NOL4L: variants seen among roughly 807,000 people sequenced by gnomAD.
NOL4L encodes nucleolar protein 4 like, also known as nucleolar protein 4-like.
NOL4L carries 7 observed loss-of-function variants against 64.5 expected under a neutral mutation model. The ratio of observed to expected loss-of-function variants is 0.11; its 90% CI spans 0.06 to 0.20. The LOEUF (loss-of-function observed/expected upper bound fraction) is 0.20. Among genes scored for constraint, NOL4L ranks in the 10% least tolerant of loss-of-function variants. NOL4L has a pLI of 1.00. For missense variants in NOL4L, 680 were observed against 967.1 expected (o/e 0.70, Z 3.94); for synonymous variants, 413 against 401.0 (o/e 1.03, Z -0.36).
chr20:32,468,417 G>A lies in NOL4L; in HGVS notation c.841+6184C>T, dbSNP rs541602995. ...CCCAGCCCCCTGCTGCCACGCCTCTGCCCAGCTTCCCAGGCCACCTCCTCC... is the reference window on the plus strand; with the variant it reads ...CCCAGCCCCCTGCTGCCACGCCTCTACCCAGCTTCCCAGGCCACCTCCTCC... On this transcript the variant is annotated intron_variant, in intron 5 of 10. Transcript: ENST00000621426. 1.5e-3 allele frequency among the ~76,000 whole-genome samples: 227 copies of A among 152,218 alleles called. 1 individual carries two copies. Among genetic ancestry groups the A allele is most frequent in the African/African-American group, 5.3e-3 (221 of 41,536 alleles).
chr20:32,551,929 TG>T (rs1182004525), intron 1 of NOL4L, among the ~76,000 whole-genome samples: 1 of 151,844 alleles, frequency 6.6e-6, no homozygotes, highest in African/African-American at 2.4e-5. Context: ...GCTGGGGCTG[TG>T]GGTACACACC....
chr20:32,517,231 G>A (rs2017709479), intron 3 of NOL4L, among the ~76,000 whole-genome samples: 1 of 152,208 alleles, frequency 6.6e-6, no homozygotes, highest in South Asian at 2.1e-4. Flanking sequence ...AGGCCAGGAA[G>A]CCAGGCATTC....
At chr20:32,583,187 T>G (rs1250091393) in intron 1 of NOL4L, among the ~76,000 whole-genome samples, 1 of 150,866 alleles carries the variant, frequency 6.6e-6, no homozygotes, top group Non-Finnish European at 1.5e-5. Context: ...CCGCCCGCCC[T>G]CCGCGCTCGC....
At chr20:32,578,855 C>A (rs1354528958) in intron 1 of NOL4L, among the ~76,000 whole-genome samples, 2 of 152,226 alleles carry the variant, frequency 1.3e-5, no homozygotes, top group East Asian at 3.8e-4. Context: ...CTCCCAGGAC[C>A]TTCCCGCCCC....
intron 5 of NOL4L, 128 bp downstream of exon 5, chr20:32,474,473 C>T: frequency 1.7e-6 from 2 of 1,179,464 alleles, no homozygotes; most frequent in Non-Finnish European, 2.3e-6. Flanking sequence ...AAGCTTGGGC[C>T]TGAGCCACCC....
At position 32,585,090 on chromosome 20, in the gene NOL4L, C is replaced by T. The variant is rs982802696; in HGVS notation, c.-200G>A. 25 of 158,924 alleles carry T rather than the reference C, an allele frequency of 1.6e-4. No homozygotes were observed. The highest frequency in any genetic ancestry group is 5.9e-4 in the African/African-American group (24 of 40,560). The allele number at this position is 158,924 out of a possible 1,614,324, so 9.8% of individuals were successfully genotyped here. ...TGCGGCGCGCTCTGTCCTGCTCGGG[C>T]GGCGGCGGCGGCGTTGGCGGCGGCG... On this transcript the variant is annotated 5_prime_UTR_variant, in exon 1 of 11. Coordinates refer to ENST00000621426, the MANE Select transcript of NOL4L (RefSeq NM_001256798.2).
chr20:32,563,477 G>C (rs183881018), intron 1 of NOL4L, among the ~76,000 whole-genome samples: 50 of 152,116 alleles, frequency 3.3e-4, no homozygotes, highest in African/African-American at 1.2e-3. Context: ...TCTTGCCTAA[G>C]GGCCTGAGGC....
intron 1 of NOL4L, among the ~76,000 whole-genome samples, chr20:32,557,471 A>G (rs944024524): frequency 6.6e-6 from 1 of 152,232 alleles, no homozygotes; most frequent in Non-Finnish European, 1.5e-5. Flanking sequence ...AGCCTCTCCA[A>G]GTCTCCTCGG....
chr20:32,485,093 A>AAAAAAAAAAAAAAAAAAAATG (rs2016028497), intron 4 of NOL4L, among the ~76,000 whole-genome samples: 1 of 114,528 alleles, frequency 8.7e-6, no homozygotes, highest in Non-Finnish European at 1.9e-5. Flanking sequence ...AAAAACAACT[A>AAAAAAAAAAAAAAAAAAAATG]AAAAAAAACC....
intron 1 of NOL4L, among the ~76,000 whole-genome samples, chr20:32,544,036 C>T (rs987098588): frequency 3.9e-5 from 6 of 152,028 alleles, no homozygotes; most frequent in East Asian, 1.9e-4. Context: ...CTATGCTGAA[C>T]GTGCTGGAGG....
chr20:32,465,473 G>T (rs1600676221), intron 5 of NOL4L, among the ~76,000 whole-genome samples: 1 of 152,242 alleles, frequency 6.6e-6, no homozygotes, highest in Admixed American at 6.5e-5. Flanking sequence ...ACTGGCCACT[G>T]ATGCCCCGGG....
intron 1 of NOL4L, among the ~76,000 whole-genome samples, chr20:32,565,282 G>A (rs895087698): frequency 6.6e-5 from 10 of 151,710 alleles, no homozygotes; most frequent in African/African-American, 1.7e-4. Flanking sequence ...TCCTCTTCTC[G>A]CCGAGACCTG....
chr20:32,478,885 A>G (rs1360073364), intron 4 of NOL4L, among the ~76,000 whole-genome samples: 2 of 152,224 alleles, frequency 1.3e-5, no homozygotes, highest in East Asian at 3.8e-4. Context: ...CCTGGCTGCG[A>G]CAGCAAATTT....
At chr20:32,501,126 A>T (rs293558) in intron 4 of NOL4L, among the ~76,000 whole-genome samples, 83,127 of 152,054 alleles carry the variant, frequency 0.55, 25,219 homozygotes, top group East Asian at 0.99. Flanking sequence ...CTGACAACCA[A>T]TATCTCAACC....
rs78294261 is a variant in NOL4L at position 32,454,364 on chromosome 20, C to T, written c.1120-603G>A. ...AGCTGGACTTCTCCTGTCTGCCCCC[C>T]ACCCAGGACAGCACAGTGGCCCCTT... On this transcript the variant is annotated intron_variant, in intron 6 of 10. Coordinates refer to ENST00000621426, the MANE Select transcript of NOL4L (RefSeq NM_001256798.2). Among the ~76,000 whole-genome samples, 581 of 152,338 alleles carry T rather than the reference C, an allele frequency of 3.8e-3. 4 individuals are homozygous for T. The highest frequency in any genetic ancestry group is 0.013 in the African/African-American group (547 of 41,576).
At chr20:32,522,076 G>A (rs1269991436) in intron 2 of NOL4L, among the ~76,000 whole-genome samples, 2 of 152,218 alleles carry the variant, frequency 1.3e-5, no homozygotes, top group Admixed American at 6.5e-5. Flanking sequence ...GGAGGGTAGA[G>A]GTGGGCTAGG....
chr20:32,485,093 A>AAAAAAAAAAAAAAAAAAAAACAG (rs2016028497), intron 4 of NOL4L, among the ~76,000 whole-genome samples: 1 of 114,528 alleles, frequency 8.7e-6, no homozygotes, highest in Non-Finnish European at 1.9e-5. Flanking sequence ...AAAAACAACT[A>AAAAAAAAAAAAAAAAAAAAACAG]AAAAAAAACC....
chr20:32,482,824 C>G (rs2015818527), intron 4 of NOL4L, among the ~76,000 whole-genome samples: 2 of 150,378 alleles, frequency 1.3e-5, no homozygotes, highest in South Asian at 4.2e-4. Context: ...CCCGTCCTCA[C>G]ATCCCCAAAC....
At chr20:32,470,425 G>A (rs563485880) in intron 5 of NOL4L, among the ~76,000 whole-genome samples, 4 of 152,360 alleles carry the variant, frequency 2.6e-5, no homozygotes, top group African/African-American at 9.6e-5. Context: ...CAGCACCTGC[G>A]TGGTGCCAGG....
Sources: gnomAD v4.1 joint callset for allele counts (sites outside exome capture counted in the v4.1 genomes callset) on GRCh38, gnomAD v4.1.1 for gene constraint, MANE v1.5 for transcripts, NCBI Gene and HGNC (gene_info 2026-07-23, HGNC 2026-07-21) for gene names.